The following CNTN5 variants were observed in gnomAD, a reference collection of about 807,000 sequenced individuals.
The protein encoded by CNTN5 is contactin-5.
A neutral mutation model predicts 129.1 loss-of-function variants in CNTN5; 77 were observed. The observed-to-expected ratio is 0.60, with a 90% CI of 0.50 to 0.72. The LOEUF (loss-of-function observed/expected upper bound fraction) is 0.72, where lower values mean the gene tolerates loss of function less well. Among genes scored for constraint, CNTN5 ranks in the 30% least tolerant of loss-of-function variants. CNTN5 has a pLI of 0.00. For synonymous variants in CNTN5, 509 were observed against 465.6 expected, an observed-to-expected ratio of 1.09 and a Z score of -1.20; for missense variants, 1,478 against 1,328.8, an observed-to-expected ratio of 1.11 and a Z score of -1.75.
At chr11:99,077,814 T>G (rs1021874872) in intron 1 of CNTN5, among the ~76,000 whole-genome samples, 1 of 152,166 alleles carries the variant, frequency 6.6e-6, no homozygotes, top group Non-Finnish European at 1.5e-5. Context: ...CCTGCTGCCT[T>G]GTGAAGAAGG....
intron 1 of CNTN5, among the ~76,000 whole-genome samples, chr11:99,313,656 G>T (rs896430115): frequency 1.3e-5 from 2 of 151,912 alleles, no homozygotes; most frequent in African/African-American, 2.4e-5. Context: ...GGAATATTTT[G>T]TCTCCTTTAC....
At chr11:100,092,366 G>C (rs776126957) in intron 13 of CNTN5, among the ~76,000 whole-genome samples, 1 of 152,212 alleles carries the variant, frequency 6.6e-6, no homozygotes, top group East Asian at 1.9e-4. Context: ...AGGTTTAAAT[G>C]CTAATATTCA....
chr11:99,498,822 C>G (rs1167941475), intron 2 of CNTN5, among the ~76,000 whole-genome samples: 1 of 152,168 alleles, frequency 6.6e-6, no homozygotes, highest in Non-Finnish European at 1.5e-5. Context: ...TTCTTGTGCA[C>G]ATTGCAGTGA....
chr11:99,862,461 C>T (rs1008037704), intron 6 of CNTN5, among the ~76,000 whole-genome samples: 6 of 152,068 alleles, frequency 3.9e-5, no homozygotes, highest in South Asian at 2.1e-4. Flanking sequence ...ATTATGTGGA[C>T]TTTGTAGGCC....
chr11:100,271,330 G>A, intron 18 of CNTN5, 89 bp downstream of exon 18: 7 of 859,526 alleles, frequency 8.1e-6, no homozygotes, highest in Non-Finnish European at 1.2e-5. Flanking sequence ...TCCATTGCTT[G>A]CTTTAGCATA....
chr11:99,323,167 A>T (rs1051835729), intron 1 of CNTN5, among the ~76,000 whole-genome samples: 4 of 152,190 alleles, frequency 2.6e-5, no homozygotes, highest in Non-Finnish European at 5.9e-5. Flanking sequence ...GATTTTTATT[A>T]TAATTCCTTG....
At chr11:99,163,592 C>G (rs1196833148) in intron 1 of CNTN5, among the ~76,000 whole-genome samples, 3 of 152,022 alleles carry the variant, frequency 2.0e-5, no homozygotes, top group Non-Finnish European at 1.5e-5. Flanking sequence ...TCTTAGTATA[C>G]TTCTTTACCT....
intron 13 of CNTN5, among the ~76,000 whole-genome samples, chr11:100,096,731 A>C (rs1421686551): frequency 6.6e-6 from 1 of 152,092 alleles, no homozygotes; most frequent in Non-Finnish European, 1.5e-5. Flanking sequence ...TCTACCTGGC[A>C]TGTCACTTTC....
chr11:99,617,681 C>T (rs1167887821), intron 3 of CNTN5, among the ~76,000 whole-genome samples: 1 of 151,996 alleles, frequency 6.6e-6, no homozygotes, highest in Admixed American at 6.6e-5. Context: ...TTACCAAATT[C>T]TGTGCATTAT....
At chr11:100,125,674 T>C (rs1046556662) in intron 13 of CNTN5, among the ~76,000 whole-genome samples, 2 of 152,088 alleles carry the variant, frequency 1.3e-5, no homozygotes, top group African/African-American at 4.8e-5. Context: ...CTTTTGGATA[T>C]ATACCCAGTA....
rs1407945087 is a variant in CNTN5 at position 99,042,411 on chromosome 11, G to A, written c.-210+21141G>A. Among the ~76,000 whole-genome samples, 8 of 109,570 alleles carry A rather than the reference G, an allele frequency of 7.3e-5. No individual in the cohort carries two copies. In the Admixed American group the frequency reaches 1.2e-3, roughly 16 times the overall value. 71.9% of individuals were successfully genotyped at this position (109,570 alleles called of 152,430 possible). A position where few individuals can be genotyped will look rare whatever the true frequency, so the allele number is the denominator to read the frequency against. ...TTTTTTTGAGACAGAGTCTCTCTCT[G>A]TCACCCCAGGCTGGAGTGCAGTGGC... On this transcript the variant is annotated intron_variant, in intron 1 of 24. Transcript: ENST00000524871.
At chr11:99,365,900 C>T (rs956391982) in intron 2 of CNTN5, among the ~76,000 whole-genome samples, 8 of 152,092 alleles carry the variant, frequency 5.3e-5, no homozygotes, top group African/African-American at 1.9e-4. Flanking sequence ...AGCAAGTTTT[C>T]TCCTTTACTT....
chr11:99,328,369 T>C (rs1187566390), intron 2 of CNTN5, among the ~76,000 whole-genome samples: 1 of 152,156 alleles, frequency 6.6e-6, no homozygotes, highest in South Asian at 2.1e-4. Context: ...TAATTTCTTA[T>C]CATCAGGAAG....
At chr11:99,395,896 G>A (rs895381897) in intron 2 of CNTN5, among the ~76,000 whole-genome samples, 2 of 151,794 alleles carry the variant, frequency 1.3e-5, no homozygotes, top group Admixed American at 1.3e-4. Flanking sequence ...TGTTCCATTG[G>A]TCTATGTGTC....
At chr11:100,075,517 T>C (rs1168978751) in intron 13 of CNTN5, among the ~76,000 whole-genome samples, 2 of 152,160 alleles carry the variant, frequency 1.3e-5, no homozygotes, top group African/African-American at 4.8e-5. Context: ...AGAAAACTCT[T>C]TTTATGCTTA....
intron 3 of CNTN5, among the ~76,000 whole-genome samples, chr11:99,775,308 A>G (rs1359053991): frequency 6.6e-6 from 1 of 151,774 alleles, no homozygotes; most frequent in East Asian, 1.9e-4. Context: ...CTTAACAATG[A>G]AAAATAATGT....
chr11:99,074,595 C>T (rs1865484390), intron 1 of CNTN5, among the ~76,000 whole-genome samples: 2 of 152,096 alleles, frequency 1.3e-5, no homozygotes, highest in African/African-American at 4.8e-5. Flanking sequence ...CTTCAGCCTC[C>T]CAAATTGCTG....
intron 13 of CNTN5, among the ~76,000 whole-genome samples, chr11:100,167,529 A>G (rs1244826449): frequency 6.6e-6 from 1 of 151,876 alleles, no homozygotes; most frequent in Non-Finnish European, 1.5e-5. Context: ...TTGAGCTTTT[A>G]ATATAATGGA....
At chr11:100,206,401 A>G (rs902224363) in intron 15 of CNTN5, among the ~76,000 whole-genome samples, 2 of 152,254 alleles carry the variant, frequency 1.3e-5, no homozygotes, top group South Asian at 2.1e-4. Context: ...CAAATTCCCT[A>G]TGAGAGTTAA....
Sources: gnomAD v4.1 joint callset for allele counts (sites outside exome capture counted in the v4.1 genomes callset) on GRCh38, gnomAD v4.1.1 for gene constraint, MANE v1.5 for transcripts, NCBI Gene and HGNC (gene_info 2026-07-23, HGNC 2026-07-21) for gene names.